Variants in SLCO3A1 observed in about 807,000 individuals in gnomAD.
SLCO3A1 encodes the protein PGE1 transporter.
SLCO3A1 carries 27 observed loss-of-function variants against 63.1 expected under a neutral mutation model. That is an observed-to-expected ratio of 0.43 (90% CI 0.32 to 0.59). The LOEUF (loss-of-function observed/expected upper bound fraction) is 0.59. Among genes scored for constraint, SLCO3A1 ranks in the 20% least tolerant of loss-of-function variants. The pLI is 0.09. For synonymous variants in SLCO3A1, 473 were observed against 409.9 expected, an observed-to-expected ratio of 1.15 and a Z score of -1.86; for missense variants, 773 against 945.8, an observed-to-expected ratio of 0.82 and a Z score of 2.40.
At chr15:92,034,082 C>T (rs1045507515) in intron 2 of SLCO3A1, among the ~76,000 whole-genome samples, 1 of 146,792 alleles carries the variant, frequency 6.8e-6, no homozygotes, top group Non-Finnish European at 1.6e-5. Flanking sequence ...AGCAGAGAAG[C>T]GACATGGTCT....
At chr15:92,147,974 T>C (rs2048251657) in intron 8 of SLCO3A1, among the ~76,000 whole-genome samples, 1 of 152,176 alleles carries the variant, frequency 6.6e-6, no homozygotes, top group African/African-American at 2.4e-5. Flanking sequence ...CCCAGCACTT[T>C]GGGAGGCCAA....
chr15:92,119,710 G>A (rs372196136), intron 4 of SLCO3A1, among the ~76,000 whole-genome samples: 5 of 152,148 alleles, frequency 3.3e-5, no homozygotes, highest in East Asian at 1.9e-4. Context: ...GGCAGACCTC[G>A]GGCCATGGCA....
chr15:91,858,548 C>T (rs1224841884), intron 1 of SLCO3A1, among the ~76,000 whole-genome samples: 1 of 152,140 alleles, frequency 6.6e-6, no homozygotes, highest in Admixed American at 6.5e-5. Flanking sequence ...GTAAAATGAG[C>T]GAGGGCTCTA....
chr15:92,156,644 A>G (rs1178228243), intron 9 of SLCO3A1, among the ~76,000 whole-genome samples: 1 of 152,256 alleles, frequency 6.6e-6, no homozygotes, highest in Non-Finnish European at 1.5e-5. Context: ...CTTTCTTGGC[A>G]TTGCTGAAGC....
intron 2 of SLCO3A1, among the ~76,000 whole-genome samples, chr15:92,093,275 G>A (rs899401121): frequency 1.3e-5 from 2 of 152,202 alleles, no homozygotes; most frequent in Non-Finnish European, 2.9e-5. Context: ...TTCCAATCAT[G>A]GCAGGAGGCA....
intron 2 of SLCO3A1, among the ~76,000 whole-genome samples, chr15:92,001,208 G>A (rs552711822): frequency 0.036 from 5,321 of 146,344 alleles, 155 homozygotes; most frequent in Non-Finnish European, 0.054. Flanking sequence ...GACCAGGTGG[G>A]TGGGCGGGGG....
At chr15:91,890,866 C>T (rs559238075) in intron 1 of SLCO3A1, among the ~76,000 whole-genome samples, 1 of 152,322 alleles carries the variant, frequency 6.6e-6, no homozygotes, top group East Asian at 1.9e-4. Context: ...GACTGCGAGG[C>T]TCAGAAGAAA....
intron 1 of SLCO3A1, among the ~76,000 whole-genome samples, chr15:91,858,082 A>T (rs1896968449): frequency 6.6e-6 from 1 of 151,976 alleles, no homozygotes; most frequent in African/African-American, 2.4e-5. Flanking sequence ...CTTGCAATTA[A>T]TGGGTGAGGC....
chr15:91,926,063 G>C (rs1211062596), intron 2 of SLCO3A1, among the ~76,000 whole-genome samples: 1 of 152,142 alleles, frequency 6.6e-6, no homozygotes, highest in East Asian at 1.9e-4. Flanking sequence ...TTTGTTCTCT[G>C]CTCAAAGTGC....
chr15:91,888,668 T>C (rs2151354421), intron 1 of SLCO3A1, among the ~76,000 whole-genome samples: 1 of 152,232 alleles, frequency 6.6e-6, no homozygotes, highest in East Asian at 1.9e-4. Flanking sequence ...AAATGTTTAA[T>C]TAAAATTACT....
At chr15:91,973,705 A>T (rs1186207724) in intron 2 of SLCO3A1, among the ~76,000 whole-genome samples, 1 of 152,114 alleles carries the variant, frequency 6.6e-6, no homozygotes, top group Non-Finnish European at 1.5e-5. Context: ...ACTGGCATCT[A>T]GTGGGGAGAG....
Position 91,975,033 on chromosome 15 carries a change from A to G in SLCO3A1, c.646+58575A>G, listed in dbSNP as rs146221833. 3.1e-3 allele frequency among the ~76,000 whole-genome samples: 472 copies of G among 152,286 alleles called. 3 individuals carry two copies. Among genetic ancestry groups the G allele is most frequent in the African/African-American group, 0.011 (446 of 41,556 alleles). ...AGTTCCTATCTGTAAAATGAGTAGA[A>G]TAAGTGTTCCTGCATCATAGGTGTT... On this transcript the variant is annotated intron_variant, in intron 2 of 9. Coordinates refer to ENST00000318445, the MANE Select transcript of SLCO3A1 (RefSeq NM_013272.4).
chr15:92,166,051 T>TTTTGTTTTG (rs1555439961), downstream of SLCO3A1: 14 of 263,676 alleles, frequency 5.3e-5, no homozygotes, highest in Admixed American at 1.2e-3. Flanking sequence ...TTGTTTTGTT[T>TTTTGTTTTG]TTTGTTTTGT....
chr15:92,111,955 CAT>C (rs2047734488), intron 4 of SLCO3A1, among the ~76,000 whole-genome samples: 1 of 152,340 alleles, frequency 6.6e-6, no homozygotes, highest in South Asian at 2.1e-4. Flanking sequence ...ACTTCTGAAA[CAT>C]ATGTGACTCA....
At chr15:92,034,064 G>C (rs1373381528) in intron 2 of SLCO3A1, among the ~76,000 whole-genome samples, 1 of 146,800 alleles carries the variant, frequency 6.8e-6, no homozygotes, top group Admixed American at 6.8e-5. Context: ...AGCCATTGCA[G>C]GGTGCTGAGC....
intron 7 of SLCO3A1, among the ~76,000 whole-genome samples, chr15:92,133,459 G>T (rs1225913780): frequency 6.9e-6 from 1 of 145,854 alleles, no homozygotes; most frequent in East Asian, 1.9e-4. Context: ...GTACTGTTGG[G>T]AACTGGGCCG....
At chr15:92,066,586 C>CT (rs1418250692) in intron 2 of SLCO3A1, among the ~76,000 whole-genome samples, 43 of 152,192 alleles carry the variant, frequency 2.8e-4, no homozygotes, top group Admixed American at 2.8e-3. Flanking sequence ...TCTATTTACT[C>CT]TGTTTGTGTG....
intron 5 of SLCO3A1, among the ~76,000 whole-genome samples, chr15:92,125,374 C>T (rs541983719): frequency 8.5e-5 from 13 of 152,204 alleles, no homozygotes; most frequent in African/African-American, 2.2e-4. Context: ...ATGGTCTCTG[C>T]GAATCAGAAA....
chr15:92,029,230 G>A (rs568536785), intron 2 of SLCO3A1, among the ~76,000 whole-genome samples: 32 of 152,090 alleles, frequency 2.1e-4, no homozygotes, highest in African/African-American at 7.0e-4. Context: ...GACCCTGGGG[G>A]AAAAAAAGGA....
Sources: allele counts gnomAD v4.1 joint callset (sites outside exome capture counted in the v4.1 genomes callset), GRCh38; gene constraint gnomAD v4.1.1; transcripts MANE v1.5; gene names NCBI Gene and HGNC (gene_info 2026-07-23, HGNC 2026-07-21).